PTPN9: variants seen among roughly 807,000 people sequenced by gnomAD.
PTPN9 encodes the protein protein tyrosine phosphatase non-receptor type 9.
Under a neutral mutation model 69.8 loss-of-function variants are expected in PTPN9, and 26 were observed. The ratio of observed to expected loss-of-function variants is 0.37; its 90% confidence interval spans 0.27 to 0.52. PTPN9 has a LOEUF of 0.52. PTPN9 is among the 20% of genes least tolerant of loss of function. The pLI is 0.91. For synonymous variants in PTPN9, 274 were observed against 272.5 expected (o/e 1.01, Z -0.05); for missense variants, 549 against 740.3 (o/e 0.74, Z 3.00).
rs1419555191 is a variant in PTPN9 at position 75,565,049 on chromosome 15, C to T, written c.63+13665G>A. On this transcript the variant is annotated intron_variant, in intron 1 of 12. Coordinates refer to ENST00000618819, the MANE Select transcript of PTPN9 (RefSeq NM_002833.4). ...CCGGGAGGCAGAGGTTGCAGTGAGC[C>T]GAGATTCTACCACTGCACTCCAGCC... 3.3e-5 allele frequency among the ~76,000 whole-genome samples: 5 copies of T among 149,882 alleles called. No homozygotes were observed. The East Asian group carries it at 5.9e-4, about 18-fold the overall frequency.
chr15:75,470,529 C>T, intron 11 of PTPN9, 151 bp downstream of exon 11: 1 of 927,056 alleles, frequency 1.1e-6, no homozygotes, highest in South Asian at 1.7e-5. Flanking sequence ...GCTATATTGG[C>T]TGTGAGTTAA....
chr15:75,496,402 C>T (rs1290018073), intron 7 of PTPN9, among the ~76,000 whole-genome samples: 1 of 151,122 alleles, frequency 6.6e-6, no homozygotes, highest in Non-Finnish European at 1.5e-5. Context: ...AAGAATGTTA[C>T]ATATAATTAT....
At chr15:75,549,268 A>G (rs1330668205) in intron 1 of PTPN9, among the ~76,000 whole-genome samples, 1 of 152,044 alleles carries the variant, frequency 6.6e-6, no homozygotes, top group Non-Finnish European at 1.5e-5. Context: ...TGGTGAGGAC[A>G]TGGCTCACTG....
intron 1 of PTPN9, among the ~76,000 whole-genome samples, chr15:75,537,647 C>T (rs572445489): frequency 1.2e-4 from 18 of 147,594 alleles, no homozygotes; most frequent in African/African-American, 3.2e-4. Flanking sequence ...CCCAGCTACT[C>T]GGGAGGCTGA....
intron 7 of PTPN9, among the ~76,000 whole-genome samples, chr15:75,491,769 A>C (rs768197341): frequency 5.9e-5 from 9 of 152,214 alleles, no homozygotes; most frequent in Non-Finnish European, 1.0e-4. Flanking sequence ...GATGAGGAGC[A>C]CATTAGTAAA....
intron 1 of PTPN9, among the ~76,000 whole-genome samples, chr15:75,563,024 T>C (rs1313519300): frequency 6.6e-6 from 1 of 152,118 alleles, no homozygotes; most frequent in Non-Finnish European, 1.5e-5. Context: ...ACAGATTATT[T>C]TGTTACCCAG....
chr15:75,522,004 C>A (rs1207414842), intron 4 of PTPN9, among the ~76,000 whole-genome samples: 1 of 152,134 alleles, frequency 6.6e-6, no homozygotes, highest in African/African-American at 2.4e-5. Context: ...ATGCGCCTGG[C>A]CTCAATATAG....
chr15:75,548,137 G>T (rs1297083925), intron 1 of PTPN9, among the ~76,000 whole-genome samples: 3 of 152,112 alleles, frequency 2.0e-5, no homozygotes, highest in African/African-American at 7.2e-5. Flanking sequence ...CAAGAAAAGT[G>T]GTAGAGCCTG....
At chr15:75,557,951 T>C (rs1171907816) in intron 1 of PTPN9, among the ~76,000 whole-genome samples, 3 of 152,098 alleles carry the variant, frequency 2.0e-5, no homozygotes, top group African/African-American at 7.2e-5. Flanking sequence ...TCCTAGCACT[T>C]TGGGAGGCCA....
At chr15:75,540,552 AAAAAAAAAAAG>A (rs972722625) in intron 1 of PTPN9, among the ~76,000 whole-genome samples, 15 of 126,912 alleles carry the variant, frequency 1.2e-4, no homozygotes, top group South Asian at 2.3e-4. Flanking sequence ...CTAAAAAAAA[AAAAAAAAAAAG>A]AAAGAAAGAA....
At chr15:75,534,690 A>C (rs1763111928) in intron 1 of PTPN9, among the ~76,000 whole-genome samples, 1 of 148,978 alleles carries the variant, frequency 6.7e-6, no homozygotes, top group African/African-American at 2.5e-5. Flanking sequence ...AAAAAAAAAA[A>C]GGCCAGGTGC....
rs2074832454 is a variant in PTPN9 at position 75,508,801 on chromosome 15, AAGC to A, written c.639+113_639+115del. 4.2e-6 allele frequency: 3 copies of A among 710,156 alleles called. No homozygotes were observed. In the Admixed American group the frequency reaches 7.4e-5, roughly 18 times the overall value. The allele number at this position is 710,156 out of a possible 1,614,324, so 44.0% of individuals were successfully genotyped here. On this transcript the variant is annotated intron_variant, in intron 6 of 12. Transcript: ENST00000618819. ...AGAATATAAGTGAATGCACTAACAGAAGCAGAACAGGCTCTAGAAGACACGCCA... is the reference window on the plus strand; with the variant it reads ...AGAATATAAGTGAATGCACTAACAGAAGAACAGGCTCTAGAAGACACGCCA...
chr15:75,562,968 T>A (rs1299591577), intron 1 of PTPN9, among the ~76,000 whole-genome samples: 3 of 152,130 alleles, frequency 2.0e-5, no homozygotes, highest in Non-Finnish European at 4.4e-5. Flanking sequence ...GGGGTACATG[T>A]GCAGGTTTAT....
chr15:75,490,710 T>C (rs12708518), intron 7 of PTPN9, among the ~76,000 whole-genome samples: 54,235 of 151,898 alleles, frequency 0.36, 10,989 homozygotes, highest in African/African-American at 0.54. Context: ...CTGCAAGCTC[T>C]ACCTCCTGGG....
At chr15:75,556,144 A>C (rs1334990524) in intron 1 of PTPN9, among the ~76,000 whole-genome samples, 3 of 150,626 alleles carry the variant, frequency 2.0e-5, no homozygotes, top group Admixed American at 2.0e-4. Flanking sequence ...GGCTCAGTGC[A>C]ACCTCCACCT....
In PTPN9 at chr15:75,528,695, ATT is replaced by A. The variant is rs770826556; in HGVS notation, c.64-1436_64-1435del. Among the ~76,000 whole-genome samples the A allele has an allele frequency of 6.6e-4, 83 of 125,398 alleles. No homozygotes were observed. In the South Asian group the frequency reaches 7.6e-3, roughly 12 times the overall value. The allele number at this position is 125,398 out of a possible 152,430, so 82.3% of individuals were successfully genotyped here. ...AGGCATGAGCCACTGCCCTCAGCAC[ATT>A]TTTTTTTTTTTTTTTTTTGAGACAA... On this transcript the variant is annotated intron_variant, in intron 1 of 12. Transcript: ENST00000618819.
intron 1 of PTPN9, among the ~76,000 whole-genome samples, chr15:75,535,198 A>G (rs1033317840): frequency 1.3e-5 from 2 of 151,870 alleles, no homozygotes; most frequent in African/African-American, 4.8e-5. Context: ...GGGTTTCACT[A>G]TGTTGGCCAG....
At chr15:75,509,124 C>G in intron 5 of PTPN9, 97 bp from the exon 6 acceptor site, 1 of 937,894 alleles carries the variant, frequency 1.1e-6, no homozygotes, top group Non-Finnish European at 1.7e-6. Context: ...TCTTACCCAG[C>G]AGGGGGAGTC....
At position 75,468,747 on chromosome 15, in the gene PTPN9, A is replaced by T. The variant is rs1309038593; in HGVS notation, c.*22T>A. The T allele has an allele frequency of 6.2e-7, 1 of 1,607,348 alleles. No homozygotes were observed. Among genetic ancestry groups the T allele is most frequent in the Non-Finnish European group, 8.5e-7 (1 of 1,175,862 alleles). On this transcript the variant is annotated 3_prime_UTR_variant, in exon 13 of 13. Transcript: ENST00000618819. The stretch of plus-strand genomic sequence containing the variant: ...GGTAGTTTAAGGAAGGCTGGCCAAC[A>T]GGTAGGAGGTTCGTAGGAGAGTTAC...
Sources: allele counts gnomAD v4.1 joint callset (sites outside exome capture counted in the v4.1 genomes callset), GRCh38; gene constraint gnomAD v4.1.1; transcripts MANE v1.5; gene names NCBI Gene and HGNC (gene_info 2026-07-23, HGNC 2026-07-21).